Variants in CNTN1 observed in about 807,000 individuals in gnomAD.
CNTN1 encodes the protein contactin 1, also known as contactin-1.
CNTN1 carries 38 observed loss-of-function variants against 126.4 expected under a neutral mutation model. The observed-to-expected ratio is 0.30, with a 90% CI of 0.23 to 0.39. The LOEUF is 0.39. Among genes scored for constraint, CNTN1 ranks in the 10% least tolerant of loss-of-function variants. The pLI is 1.00. For synonymous variants in CNTN1, 413 were observed against 422.6 expected (o/e 0.98, Z 0.28); for missense variants, 1,009 against 1,248.4 (o/e 0.81, Z 2.89).
chr12:40,949,524 G>T (rs1308306837), intron 14 of CNTN1, among the ~76,000 whole-genome samples: 2 of 126,864 alleles, frequency 1.6e-5, no homozygotes, highest in East Asian at 4.8e-4. Context: ...TCACTATTTT[G>T]GTTGTTGTTG....
chr12:40,755,794 A>C (rs1289003730), intron 1 of CNTN1, among the ~76,000 whole-genome samples: 1 of 151,972 alleles, frequency 6.6e-6, no homozygotes, highest in Non-Finnish European at 1.5e-5. Context: ...GGAAGTTTTG[A>C]TCTTGTAGAA....
At chr12:40,883,466 T>C (rs11178884) in intron 1 of CNTN1, among the ~76,000 whole-genome samples, 37,739 of 151,444 alleles carry the variant, frequency 0.25, 4,972 homozygotes, top group South Asian at 0.35. Context: ...TGAATTGATA[T>C]TCCTTTTCTC....
intron 1 of CNTN1, among the ~76,000 whole-genome samples, chr12:40,754,572 G>A (rs1938527708): frequency 6.6e-6 from 1 of 151,760 alleles, no homozygotes; most frequent in East Asian, 2.0e-4. Context: ...CGCATATACA[G>A]AGAGCAACTG....
intron 1 of CNTN1, among the ~76,000 whole-genome samples, chr12:40,868,835 TC>T (rs1343182443): frequency 1.3e-5 from 2 of 151,968 alleles, no homozygotes; most frequent in African/African-American, 4.8e-5. Context: ...ACCTCACATG[TC>T]CCCCGCCACT....
intron 1 of CNTN1, among the ~76,000 whole-genome samples, chr12:40,736,334 C>T (rs754273023): frequency 1.3e-5 from 2 of 151,904 alleles, no homozygotes; most frequent in Admixed American, 6.6e-5. Flanking sequence ...CAGACCACGG[C>T]AAACAAATAG....
intron 1 of CNTN1, among the ~76,000 whole-genome samples, chr12:40,719,124 A>T (rs558881930): frequency 6.6e-6 from 1 of 152,312 alleles, no homozygotes; most frequent in South Asian, 2.1e-4. Context: ...TTGTCCCTTG[A>T]ACAAGTGTTG....
chr12:40,915,698 T>C (rs1249211307), intron 3 of CNTN1, among the ~76,000 whole-genome samples: 1 of 152,156 alleles, frequency 6.6e-6, no homozygotes, highest in Non-Finnish European at 1.5e-5. Flanking sequence ...ACTGAGCAGA[T>C]CTTTTGATTT....
chr12:40,726,114 G>A (rs914092256), intron 1 of CNTN1, among the ~76,000 whole-genome samples: 1 of 151,680 alleles, frequency 6.6e-6, no homozygotes, highest in Non-Finnish European at 1.5e-5. Flanking sequence ...GAAAGAATGT[G>A]GCAAACAGAA....
chr12:40,754,219 T>C (rs539129730), intron 1 of CNTN1, among the ~76,000 whole-genome samples: 11 of 152,222 alleles, frequency 7.2e-5, no homozygotes, highest in African/African-American at 2.4e-4. Flanking sequence ...TATTATATAT[T>C]GGCAAGGCTA....
chr12:41,012,585 C>T (rs1014753178), intron 17 of CNTN1, among the ~76,000 whole-genome samples: 5 of 152,176 alleles, frequency 3.3e-5, no homozygotes, highest in African/African-American at 1.2e-4. Flanking sequence ...CTTCCAGCCC[C>T]ACATGACGGC....
chr12:40,885,458 G>C (rs1943997654), intron 1 of CNTN1, among the ~76,000 whole-genome samples: 1 of 151,882 alleles, frequency 6.6e-6, no homozygotes, highest in Admixed American at 6.6e-5. Context: ...GAGTACTTAA[G>C]CACATGGACT....
At chr12:40,944,685 T>TAC (rs1262810029) in intron 14 of CNTN1, among the ~76,000 whole-genome samples, 13 of 117,066 alleles carry the variant, frequency 1.1e-4, no homozygotes, top group African/African-American at 3.8e-4. Flanking sequence ...CTACAAGTCC[T>TAC]ATAGTTAAAC....
intron 23 of CNTN1, chr12:41,061,879 C>A: frequency 2.2e-6 from 1 of 453,250 alleles, no homozygotes. Flanking sequence ...ATTGACAGAA[C>A]TAGAGGTAGG....
chr12:40,972,486 CTG>C (rs1179332286), intron 15 of CNTN1: 4 of 971,056 alleles, frequency 4.1e-6, no homozygotes, highest in Non-Finnish European at 4.9e-6. Flanking sequence ...GCAATTCTCT[CTG>C]TGGTCAGAAG....
intron 1 of CNTN1, among the ~76,000 whole-genome samples, chr12:40,737,662 T>C (rs1228031226): frequency 2.6e-5 from 4 of 151,918 alleles, no homozygotes; most frequent in African/African-American, 9.7e-5. Context: ...CTGACTCAAA[T>C]GTTAATCTAC....
chr12:40,833,095 G>A (rs1000982595), intron 1 of CNTN1, among the ~76,000 whole-genome samples: 1 of 151,530 alleles, frequency 6.6e-6, no homozygotes, highest in Non-Finnish European at 1.5e-5. Context: ...TCATTCTGTC[G>A]CCCAGGCTGG....
chr12:40,882,590 T>A (rs1223867900), intron 1 of CNTN1, among the ~76,000 whole-genome samples: 1 of 151,670 alleles, frequency 6.6e-6, no homozygotes, highest in Non-Finnish European at 1.5e-5. Context: ...GAACTAGTAC[T>A]TTCAGAGGAA....
chr12:40,801,051 G>A (rs536986086), intron 1 of CNTN1, among the ~76,000 whole-genome samples: 4 of 149,774 alleles, frequency 2.7e-5, no homozygotes, highest in African/African-American at 7.4e-5. Context: ...GACAAGCTAG[G>A]AAGGCAAAAT....
At chr12:40,830,790 T>A (rs1330536870) in intron 1 of CNTN1, among the ~76,000 whole-genome samples, 3 of 52,708 alleles carry the variant, frequency 5.7e-5, no homozygotes, top group Non-Finnish European at 1.1e-4. Flanking sequence ...GAAAGTATAG[T>A]GTATATATAT....
Sources: allele counts gnomAD v4.1 joint callset (sites outside exome capture counted in the v4.1 genomes callset), GRCh38; gene constraint gnomAD v4.1.1; transcripts MANE v1.5; gene names NCBI Gene and HGNC (gene_info 2026-07-23, HGNC 2026-07-21).